Variants in PIDD1 observed in about 807,000 individuals in gnomAD.
PIDD1 encodes the protein p53-induced death domain-containing protein 1.
In PIDD1, 72 loss-of-function variants were observed where a neutral mutation model predicts 80.0. The ratio of observed to expected loss-of-function variants is 0.90; its 90% CI spans 0.74 to 1.09. PIDD1 has a LOEUF of 1.09. Ranked by LOEUF, PIDD1 falls within the 50% of genes least tolerant of loss-of-function variation. The pLI, the probability that PIDD1 is intolerant of heterozygous loss-of-function variation, is 0.00. For missense variants in PIDD1, 1,329 were observed against 1,228.3 expected, an observed-to-expected ratio of 1.08 and a Z score of -1.23; for synonymous variants, 655 against 543.5, an observed-to-expected ratio of 1.21 and a Z score of -2.85.
rs2133742945 is a variant in PIDD1, at chr11:799,398, T to C, written c.2642A>G (p.Gln881Arg). The C allele has an allele frequency of 1.2e-6, 2 of 1,611,980 alleles. No individual in the cohort carries two copies. Among genetic ancestry groups the C allele is most frequent in the Non-Finnish European group, 8.5e-7 (1 of 1,179,878 alleles). ...AVLELGRRKY[Q>R]DSIRRMGLAP... ...CAAGCCCATGCGTCGGATGCTGTCCTGGTACTTGCGGCGGCCGAGCTCCAA... is the reference window on the plus strand; with the variant it reads ...CAAGCCCATGCGTCGGATGCTGTCCCGGTACTTGCGGCGGCCGAGCTCCAA... The change falls in exon 16 of 16, where the codon CAG becomes CGG. Residue 881 changes from glutamine to arginine, a missense_variant. Coordinates refer to ENST00000347755, the MANE Select transcript of PIDD1 (RefSeq NM_145886.4).
chr11:808,593 G>T (rs1453867823), upstream of PIDD1, among the ~76,000 whole-genome samples: 1 of 152,232 alleles, frequency 6.6e-6, no homozygotes, highest in African/African-American at 2.4e-5. Flanking sequence ...TCCGCTAGGA[G>T]GCTGAGGTGG....
chr11:802,981 G>T, intron 3 of PIDD1, 90 bp from the exon 4 acceptor site: 1 of 1,195,908 alleles, frequency 8.4e-7, no homozygotes, highest in Non-Finnish European at 1.2e-6. Context: ...AGCTGTTTCA[G>T]ACTCTCCTCC....
rs565116894 is a variant in PIDD1 at position 801,078 on chromosome 11, G to A, written c.1673C>T (p.Ala558Val). The change falls in exon 10 of 16, where the codon GCC (alanine) becomes GTC (valine). Residue 558 changes from alanine to valine, a missense_variant. Ala to Val is a moderately conservative substitution (Grantham distance 64). Coordinates refer to ENST00000347755, the MANE Select transcript of PIDD1 (RefSeq NM_145886.4). The part of the protein sequence containing the change: ...DRSRLHLLYW[A>V]PPAATWDDIT... ...GTCATCCCAGGTGGCTGCAGGAGGGGCCCAGTACAACAGGTGCAGGCGGGA... is the reference window on the plus strand; with the variant it reads ...GTCATCCCAGGTGGCTGCAGGAGGGACCCAGTACAACAGGTGCAGGCGGGA... 23 of 1,595,822 alleles carry A rather than the reference G, an allele frequency of 1.4e-5. 1 individual carries two copies. Among genetic ancestry groups the A allele is most frequent in the African/African-American group, 8.0e-5 (6 of 74,814 alleles).
chr11:801,033 A>G lies in PIDD1; in HGVS notation c.1718T>C (p.Leu573Pro), dbSNP rs766324724. The G allele has an allele frequency of 1.9e-6, 3 of 1,602,450 alleles. No individual in the cohort carries two copies. Among genetic ancestry groups the G allele is most frequent in the Non-Finnish European group, 2.6e-6 (3 of 1,175,072 alleles). The change falls in exon 10 of 16, where the codon CTG becomes CCG. Residue 573 changes from leucine (L) to proline (P), a missense_variant. Physicochemically the swap from Leu to Pro is moderately conservative, Grantham distance 98. Transcript: ENST00000347755. Reference protein sequence around the residue: ...TWDDITAQVVLELTHLYARFQ... With the variant: ...TWDDITAQVVPELTHLYARFQ... ...GCGTGCGTACAGGTGGGTGAGCTCC[A>G]GGACCACCTGAGCTGTGATGTCATC...
rs1865113370 is a variant in PIDD1, at chr11:799,970, G to A, written c.2319C>T (p.Ser773=). Reference sequence around the variant, plus strand: ...CATCTCCCAGATTCAAGGGTGCCAAGGAGAGGCCAGCCCCCCGCCGTGGCC... The same window carrying A: ...CATCTCCCAGATTCAAGGGTGCCAAAGAGAGGCCAGCCCCCCGCCGTGGCC... ...SEGPRRGAGL[S]LAPLNLGDAE... The change falls in exon 15 of 16, where the codon TCC becomes TCT. Residue 773 remains serine, a synonymous_variant. Transcript: ENST00000347755. 5 of 1,612,830 alleles carry A rather than the reference G, an allele frequency of 3.1e-6. No individual in the cohort carries two copies. The East Asian group carries it at 1.1e-4, about 36-fold the overall frequency.
upstream of PIDD1, among the ~76,000 whole-genome samples, chr11:808,994 T>C (rs970080248): frequency 1.3e-5 from 2 of 152,318 alleles, no homozygotes; most frequent in South Asian, 2.1e-4. Context: ...TTGGCAGGGA[T>C]GGCTCCTTCT....
In PIDD1 at chr11:804,263, C is replaced by G; in HGVS notation, c.126G>C (p.Leu42=). The G allele has an allele frequency of 6.2e-7, 1 of 1,613,026 alleles. No homozygotes were observed. Among genetic ancestry groups the G allele is most frequent in the Non-Finnish European group, 8.5e-7 (1 of 1,179,980 alleles). The change falls in exon 2 of 16, where the codon CTG becomes CTC. Residue 42 remains leucine, a synonymous_variant. Transcript: ENST00000347755. ...GCAGCTGCTGGCAGCCCCCGGGGTA[C>G]AGGTCCAAGCTCAGCCGGTTGCCGC... The part of the protein sequence containing the change: ...FLGGNRLSLD[L]YPGGCQQLLH...
Position 800,416 on chromosome 11 carries a change from C to T in PIDD1, c.2077G>A (p.Val693Ile), listed in dbSNP as rs149371389. 1.9e-6 allele frequency: 3 copies of T among 1,555,048 alleles called. No individual in the cohort carries two copies. The highest frequency in any genetic ancestry group is 2.9e-5 in the African/African-American group (2 of 70,040). The change falls in exon 13 of 16, where the codon GTC becomes ATC. Residue 693 changes from valine to isoleucine, a missense_variant. Val to Ile is a conservative substitution (Grantham distance 29). Transcript: ENST00000347755. ...PDCVEGRICF[V>I]FYSHLKNVKE... Reference sequence around the variant, plus strand: ...ACATTCTTCAGGTGCGAGTAGAAGACAAAGCAGATTCTGCCCTCCACACAG... The same window carrying T: ...ACATTCTTCAGGTGCGAGTAGAAGATAAAGCAGATTCTGCCCTCCACACAG...
Position 802,256 on chromosome 11 carries a change from G to A in PIDD1, c.1115C>T (p.Pro372Leu). The A allele has an allele frequency of 1.2e-6, 2 of 1,611,776 alleles. No individual in the cohort carries two copies. The highest frequency in any genetic ancestry group is 1.7e-6 in the Non-Finnish European group (2 of 1,179,480). The change falls in exon 6 of 16, where the codon CCT becomes CTT. Residue 372 changes from proline to leucine, a missense_variant. Coordinates refer to ENST00000347755, the MANE Select transcript of PIDD1 (RefSeq NM_145886.4). ...LPEPGLVPLG[P>L]HDALLSHVLE... ...CACATGGCTGAGCAGGGCGTCATGA[G>A]GACCCAGGGGGACGAGGCCTGGCTC...
At chr11:806,774 G>A (rs1468159369), upstream of PIDD1, among the ~76,000 whole-genome samples, 7 of 151,344 alleles carry the variant, frequency 4.6e-5, no homozygotes, top group South Asian at 2.1e-4. Context: ...TAGTAGAGAC[G>A]GGGTTTCACC....
chr11:800,188 G>A lies in PIDD1; in HGVS notation c.2217C>T (p.Ala739=). 6.2e-7 allele frequency: 1 copy of A among 1,611,048 alleles called. No homozygotes were observed. The highest frequency in any genetic ancestry group is 8.5e-7 in the Non-Finnish European group (1 of 1,179,462). Residue 739 remains alanine, a synonymous_variant, in exon 14 of 16, where the codon GCC becomes GCT. Coordinates refer to ENST00000347755, the MANE Select transcript of PIDD1 (RefSeq NM_145886.4). ...GGGCGTCTGCGCCCTTCCTCTGCCG[G>A]GCAGCCTCAGCCTCCTCGGGCACCC... ...PVRVPEEAEA[A]RQRKGADALW...
At chr11:808,432 A>G (rs1452512101), upstream of PIDD1, among the ~76,000 whole-genome samples, 1 of 149,812 alleles carries the variant, frequency 6.7e-6, no homozygotes, top group Non-Finnish European at 1.5e-5. Flanking sequence ...AGAAAAAAAG[A>G]AAAAAAAAAG....
Position 801,091 on chromosome 11 carries a change from G to A in PIDD1, c.1660C>T (p.Leu554=). The change falls in exon 10 of 16, where the codon CTG becomes TTG. Residue 554 remains leucine, a synonymous_variant. Coordinates refer to ENST00000347755, the MANE Select transcript of PIDD1 (RefSeq NM_145886.4). ...GCTGCAGGAGGGGCCCAGTACAACA[G>A]GTGCAGGCGGGAGCGGTCCAGACTG... ...GLSLDRSRLH[L]LYWAPPAATW... 1 of 1,583,942 alleles carries A rather than the reference G, an allele frequency of 6.3e-7. No individual in the cohort carries two copies. The highest frequency in any genetic ancestry group is 2.3e-5 in the East Asian group (1 of 44,190).
intron 1 of PIDD1, chr11:804,683 C>G (rs1407177216): frequency 1.2e-5 from 5 of 412,312 alleles, no homozygotes; most frequent in Non-Finnish European, 2.2e-5. Flanking sequence ...GAGCACCGGG[C>G]AGGGAGACCT....
chr11:799,854 A>G lies in PIDD1; in HGVS notation c.2435T>C (p.Val812Ala). ...GATGCGCTGCACCTCCCGGTAGGAC[A>G]CCCCCAGGTGCAGGGCCACGGCTGG... ...DWPAVALHLG[V>A]SYREVQRIRH... The change falls in exon 15 of 16, where the codon GTG (valine) becomes GCG (alanine). Residue 812 changes from valine to alanine, a missense_variant. Val to Ala is a moderately conservative substitution (Grantham distance 64, BLOSUM62 0). Transcript: ENST00000347755. 6.2e-7 allele frequency: 1 copy of G among 1,607,590 alleles called. No individual in the cohort carries two copies. The highest frequency in any genetic ancestry group is 8.5e-7 in the Non-Finnish European group (1 of 1,177,904).
rs201832239 is a variant in PIDD1, at chr11:802,416, G to A, written c.975-20C>T. 5.0e-5 allele frequency: 81 copies of A among 1,608,758 alleles called. No homozygotes were observed. In the East Asian group the frequency reaches 1.0e-3, roughly 21 times the overall value. On this transcript the variant is annotated intron_variant, in intron 5 of 15. Coordinates refer to ENST00000347755, the MANE Select transcript of PIDD1 (RefSeq NM_145886.4). ...GGAAAGCTGAGTGAGGAAGGAGCGA[G>A]CAACAGGTTAGACCCAGAAGGGCCT...
chr11:804,207 A>G lies in PIDD1; in HGVS notation c.182T>C (p.Leu61Pro), dbSNP rs759692762. Residue 61 changes from leucine to proline, a missense_variant, in exon 2 of 16, where the codon CTG becomes CCG. Coordinates refer to ENST00000347755, the MANE Select transcript of PIDD1 (RefSeq NM_145886.4). ...LHLCVQQPLQLLQVEFLRLST... is the reference protein window; with the variant it reads ...LHLCVQQPLQPLQVEFLRLST... ...CAGACGCAAGAATTCCACCTGCAGC[A>G]GCTGCAGAGGCTGCTGGACACACAG... The G allele has an allele frequency of 3.5e-5, 57 of 1,613,128 alleles. No homozygotes were observed. The East Asian group carries it at 1.2e-3, about 35-fold the overall frequency.
In PIDD1 at chr11:801,557, T is replaced by A. The variant is rs533748506; in HGVS notation, c.1370A>T (p.Asn457Ile). Reference sequence around the variant, plus strand: ...CCCCTCCGGTGGCACCAGGCAGGCATTGGACACAGGGCGGGAAACCACAAG... The same window carrying A: ...CCCCTCCGGTGGCACCAGGCAGGCAATGGACACAGGGCGGGAAACCACAAG... The part of the protein sequence containing the change: ...WFLVVSRPVS[N>I]ACLVPPEGTL... Residue 457 changes from asparagine (N) to isoleucine (I), a missense_variant, in exon 8 of 16, where the codon AAT becomes ATT. Physicochemically the swap from Asn to Ile is moderately radical, Grantham distance 149. Transcript: ENST00000347755. The A allele has an allele frequency of 6.4e-7, 1 of 1,569,386 alleles. No homozygotes were observed. The highest frequency in any genetic ancestry group is 1.9e-5 in the Admixed American group (1 of 53,060).
At chr11:801,940 A>G in intron 7 of PIDD1, 25 bp downstream of exon 7, 2 of 1,596,578 alleles carry the variant, frequency 1.3e-6, no homozygotes, top group South Asian at 1.1e-5. Context: ...TCCACTCGCC[A>G]CCGGCAGGCC....
Sources: gnomAD v4.1 joint callset for allele counts (sites outside exome capture counted in the v4.1 genomes callset) on GRCh38, gnomAD v4.1.1 for gene constraint, MANE v1.5 for transcripts, NCBI Gene and HGNC (gene_info 2026-07-23, HGNC 2026-07-21) for gene names.